UBASH3A: variants seen among roughly 807,000 people sequenced by gnomAD.
UBASH3A encodes ubiquitin associated and SH3 domain containing A.
UBASH3A carries 63 observed loss-of-function variants against 73.5 expected under a neutral mutation model. That is an observed-to-expected ratio of 0.86 (90% CI 0.70 to 1.06). The LOEUF is 1.06. Ranked by LOEUF, UBASH3A falls within the 50% of genes least tolerant of loss-of-function variation. UBASH3A has a pLI of 0.00. For synonymous variants in UBASH3A, 363 were observed against 351.1 expected (o/e 1.03, Z -0.38); for missense variants, 860 against 859.0 (o/e 1.00, Z -0.02).
chr21:42,416,555 A>G lies in UBASH3A; in HGVS notation c.781A>G (p.Ser261Gly). The change falls in exon 6 of 15, where the codon AGC (serine) becomes GGC (glycine). Residue 261 changes from serine (S) to glycine (G), a missense_variant. Transcript: ENST00000319294. ...GGCCAGAGCCATCCCCCTGGGCCAC[A>G]GCTGCCAGTGGACCGCAGCACTCTA... ...QLARAIPLGH[S>G]CQWTAALYSR... The G allele has an allele frequency of 6.2e-7, 1 of 1,609,922 alleles. No homozygotes were observed. The highest frequency in any genetic ancestry group is 8.5e-7 in the Non-Finnish European group (1 of 1,178,366).
intron 5 of UBASH3A, among the ~76,000 whole-genome samples, chr21:42,415,829 A>C (rs1411038546): frequency 1.3e-5 from 2 of 152,134 alleles, no homozygotes; most frequent in Non-Finnish European, 2.9e-5. Flanking sequence ...TAGGACATAA[A>C]ATACTTTGTG....
intron 14 of UBASH3A, among the ~76,000 whole-genome samples, chr21:42,445,501 C>T (rs1279129070): frequency 6.6e-6 from 1 of 152,304 alleles, no homozygotes; most frequent in East Asian, 1.9e-4. Context: ...GCTGAGTCCC[C>T]CCAAGAGGTC....
At chr21:42,432,321 C>A in intron 9 of UBASH3A, 119 bp downstream of exon 9, 1 of 636,182 alleles carries the variant, frequency 1.6e-6, no homozygotes, top group Non-Finnish European at 2.7e-6. Context: ...GTAGAATGAC[C>A]ATGTGTAGAC....
chr21:42,418,040 T>C (rs1236236691), intron 6 of UBASH3A, among the ~76,000 whole-genome samples: 2 of 151,840 alleles, frequency 1.3e-5, no homozygotes, highest in South Asian at 2.1e-4. Context: ...CCCGCCACCA[T>C]GTCCAGCTAA....
In UBASH3A at chr21:42,404,080, C is replaced by T. The variant is rs770387615; in HGVS notation, c.113+22C>T. 62 of 1,370,026 alleles carry T rather than the reference C, an allele frequency of 4.5e-5. 2 individuals carry two copies. The highest frequency in any genetic ancestry group is 2.4e-4 in the Middle Eastern group (1 of 4,150). The allele number at this position is 1,370,026 out of a possible 1,614,324, so 84.9% of individuals were successfully genotyped here. A position where few individuals can be genotyped will look rare whatever the true frequency, so the allele number is the denominator to read the frequency against. On this transcript the variant is annotated intron_variant, in intron 1 of 14. Transcript: ENST00000319294. ...CCGCGTGAGTACTGCCCAGAGACCC[C>T]GGGGCCCAGCCAGTAAGGCTGGTGC...
intron 8 of UBASH3A, among the ~76,000 whole-genome samples, chr21:42,428,945 C>G (rs11912007): frequency 0.032 from 4,818 of 152,148 alleles, 86 homozygotes; most frequent in Non-Finnish European, 0.04. Flanking sequence ...GTGCATGTGA[C>G]CTTATTAGGA....
Position 42,426,317 on chromosome 21 carries a change from A to C in UBASH3A, c.1047-380A>C, listed in dbSNP as rs148511314. ...TAAAAAGATTGAGCCAGCACCATGGAGTCCAACAGCCCCATCATCTGAAGG... is the reference window on the plus strand; with the variant it reads ...TAAAAAGATTGAGCCAGCACCATGGCGTCCAACAGCCCCATCATCTGAAGG... On this transcript the variant is annotated intron_variant, in intron 7 of 14. Transcript: ENST00000319294. Among the ~76,000 whole-genome samples, 46 of 152,340 alleles carry C rather than the reference A, an allele frequency of 3.0e-4. No individual in the cohort carries two copies. The East Asian group carries it at 8.5e-3, about 28-fold the overall frequency.
intron 1 of UBASH3A, among the ~76,000 whole-genome samples, chr21:42,404,580 G>C (rs922638543): frequency 6.6e-6 from 1 of 152,142 alleles, no homozygotes; most frequent in African/African-American, 2.4e-5. Context: ...GGAGGAGATT[G>C]GGGCCTGGTT....
At chr21:42,427,929 C>T (rs1293651676) in intron 8 of UBASH3A, among the ~76,000 whole-genome samples, 1 of 152,210 alleles carries the variant, frequency 6.6e-6, no homozygotes, top group Admixed American at 6.5e-5. Flanking sequence ...ATCTCGAAGT[C>T]CTAACCCCCA....
At chr21:42,431,790 T>A (rs1461541243) in intron 8 of UBASH3A, among the ~76,000 whole-genome samples, 1 of 152,232 alleles carries the variant, frequency 6.6e-6, no homozygotes, top group African/African-American at 2.4e-5. Flanking sequence ...GACGTCTCTA[T>A]GGGAATGATA....
chr21:42,409,652 G>A, intron 3 of UBASH3A, 44 bp downstream of exon 3: 1 of 1,557,384 alleles, frequency 6.4e-7, no homozygotes, highest in South Asian at 1.2e-5. Flanking sequence ...GCAGCTGGAG[G>A]CATTTTTCTG....
chr21:42,421,213 G>A (rs530572620), intron 7 of UBASH3A, among the ~76,000 whole-genome samples: 9 of 152,350 alleles, frequency 5.9e-5, no homozygotes, highest in Admixed American at 5.9e-4. Context: ...AGCCTCATGG[G>A]TGTGCCTGTT....
chr21:42,446,643 A>C (rs2053848696), intron 14 of UBASH3A, among the ~76,000 whole-genome samples: 1 of 152,226 alleles, frequency 6.6e-6, no homozygotes, highest in Non-Finnish European at 1.5e-5. Context: ...TGGGTCTGAA[A>C]ACTCAATGTC....
intron 11 of UBASH3A, among the ~76,000 whole-genome samples, chr21:42,439,257 G>A (rs375040313): frequency 2.0e-5 from 3 of 152,196 alleles, no homozygotes; most frequent in South Asian, 2.1e-4. Context: ...GAGCATCCAC[G>A]ATCCACCTTC....
chr21:42,434,839 C>T lies in UBASH3A; in HGVS notation c.1278C>T (p.Tyr426=). 2 of 1,613,752 alleles carry T rather than the reference C, an allele frequency of 1.2e-6. No homozygotes were observed. Among genetic ancestry groups the T allele is most frequent in the Non-Finnish European group, 1.7e-6 (2 of 1,179,824 alleles). ...TGCTTATTTATACTTCAGGGAAATA[C>T]TACAGGCCAGACCTGAATTTCCCCT... ...LQQCSTPDGK[Y]YRPDLNFPCS... is the part of the protein sequence containing the mutation. The change falls in exon 10 of 15, where the codon TAC becomes TAT. Residue 426 remains tyrosine (Y), a synonymous_variant. Transcript: ENST00000319294.
chr21:42,403,991 C>G lies in UBASH3A; in HGVS notation c.46C>G (p.Leu16Val). 1.3e-6 allele frequency: 2 copies of G among 1,528,712 alleles called. No individual in the cohort carries two copies. The highest frequency in any genetic ancestry group is 2.6e-5 in the East Asian group (1 of 39,168). 94.7% of individuals were successfully genotyped at this position (1,528,712 alleles called of 1,614,324 possible). A position where few individuals can be genotyped will look rare whatever the true frequency, so the allele number is the denominator to read the frequency against. The change falls in exon 1 of 15, where the codon CTC becomes GTC. Residue 16 changes from leucine (L) to valine (V), a missense_variant. Physicochemically the swap from Leu to Val is conservative, Grantham distance 32. Transcript: ENST00000319294. ...TQLYAKVSNK[L>V]KSRSSPSLLE... ...GCTCTACGCCAAGGTCTCCAACAAG[C>G]TCAAGAGCCGCAGCAGCCCCTCGCT...
Position 42,423,643 on chromosome 21 carries a change from G to A in UBASH3A, c.1047-3054G>A, listed in dbSNP as rs76174093. ...AAGACTCTGCAGAAGATGAGTCAGCGGCTATGATACTTTTCACTTCACAAT... is the reference window on the plus strand; with the variant it reads ...AAGACTCTGCAGAAGATGAGTCAGCAGCTATGATACTTTTCACTTCACAAT... On this transcript the variant is annotated intron_variant, in intron 7 of 14. Transcript: ENST00000319294. 7.2e-5 allele frequency among the ~76,000 whole-genome samples: 11 copies of A among 152,248 alleles called. No homozygotes were observed. In the East Asian group the frequency reaches 1.2e-3, roughly 16 times the overall value.
At chr21:42,418,755 A>G (rs147666575) in intron 7 of UBASH3A, 146 bp downstream of exon 7, 1 of 716,930 alleles carries the variant, frequency 1.4e-6, no homozygotes, top group East Asian at 2.7e-5. Flanking sequence ...CTGCAGGTAT[A>G]TAGTAAACAT....
chr21:42,422,613 A>G (rs2053357507), intron 7 of UBASH3A, among the ~76,000 whole-genome samples: 2 of 152,240 alleles, frequency 1.3e-5, no homozygotes, highest in Non-Finnish European at 2.9e-5. Context: ...AAAATTTAAA[A>G]ATAAGTCCAT....
Sources: allele counts gnomAD v4.1 joint callset (sites outside exome capture counted in the v4.1 genomes callset), GRCh38; gene constraint gnomAD v4.1.1; transcripts MANE v1.5; gene names NCBI Gene and HGNC (gene_info 2026-07-23, HGNC 2026-07-21).